The following HCCS variants were observed in gnomAD, a reference collection of about 807,000 sequenced individuals.
The protein encoded by HCCS is holocytochrome c-type synthase.
A neutral mutation model predicts 24.2 loss-of-function variants in HCCS; 2 were observed. That is an observed-to-expected ratio of 0.08 (90% CI 0.03 to 0.26). The LOEUF (loss-of-function observed/expected upper bound fraction) is 0.26. HCCS is among the 10% of genes least tolerant of loss of function. The probability of loss-of-function intolerance (pLI) is 1.00; values close to 1 mark genes in which losing one functional copy is unlikely to be tolerated. For missense variants in HCCS, 150 were observed against 213.3 expected, an observed-to-expected ratio of 0.70 and a Z score of 1.85; for synonymous variants, 73 against 76.2, an observed-to-expected ratio of 0.96 and a Z score of 0.22.
intron 4 of HCCS, among the ~76,000 whole-genome samples, chrX:11,117,674 G>T (rs1471600974): frequency 1.8e-5 from 2 of 111,404 alleles, no homozygotes; most frequent in East Asian, 5.6e-4. Flanking sequence ...TTATTGTAGG[G>T]AATTGACTTA....
Position 11,120,936 on chromosome X carries a change from G to A in HCCS, c.551G>A (p.Arg184Gln), listed in dbSNP as rs2045486804. Residue 184 changes from arginine to glutamine, a missense_variant, in exon 6 of 7, where the codon CGG (arginine) becomes CAG (glutamine). Arg to Gln is a conservative substitution (Grantham distance 43). Coordinates refer to ENST00000380762, the MANE Select transcript of HCCS (RefSeq NM_005333.5). ...TGTCCTTGTGGTCCATCATTGATCC[G>A]GTTTGGAGGGAAAGCAAAAGAGTAT... ...AECPCGPSLIRFGGKAKEYSP... is the reference protein window; with the variant it reads ...AECPCGPSLIQFGGKAKEYSP... The A allele has an allele frequency of 1.7e-6, 2 of 1,209,087 alleles. No individual in the cohort carries two copies. Among genetic ancestry groups the A allele is most frequent in the Non-Finnish European group, 2.2e-6 (2 of 893,056 alleles).
chrX:11,115,903 G>A (rs183305925), intron 3 of HCCS, among the ~76,000 whole-genome samples: 3 of 111,810 alleles, frequency 2.7e-5, no homozygotes, highest in African/African-American at 9.8e-5. Context: ...TGAAAGCAGC[G>A]ACAGGCAGCA....
At chrX:11,116,775 T>G (rs2045451355) in intron 3 of HCCS, among the ~76,000 whole-genome samples, 1 of 112,501 alleles carries the variant, frequency 8.9e-6, no homozygotes, top group African/African-American at 3.2e-5. Flanking sequence ...CTCGCAGCGT[T>G]GAGATGCAAA....
At chrX:11,114,136 A>G (rs1489062393) in intron 2 of HCCS, among the ~76,000 whole-genome samples, 1 of 112,378 alleles carries the variant, frequency 8.9e-6, no homozygotes, top group Non-Finnish European at 1.9e-5. Flanking sequence ...CTTCCCTCGT[A>G]ATGGGCATCT....
At chrX:11,118,477 A>C (rs2045465821) in intron 4 of HCCS, 24 bp from the exon 5 acceptor site, 1 of 1,187,395 alleles carries the variant, frequency 8.4e-7, no homozygotes, top group Non-Finnish European at 1.1e-6. Flanking sequence ...CAGTTGTCAA[A>C]TTTTACCAAA....
At chrX:11,113,695 T>C (rs1025204251) in intron 2 of HCCS, among the ~76,000 whole-genome samples, 5 of 112,333 alleles carry the variant, frequency 4.5e-5, no homozygotes, top group African/African-American at 1.6e-4. Context: ...TGTGGGTGTC[T>C]ATAGGAGATC....
chrX:11,121,379 T>C (rs1033840634), intron 6 of HCCS, among the ~76,000 whole-genome samples: 1 of 112,423 alleles, frequency 8.9e-6, no homozygotes, highest in Non-Finnish European at 1.9e-5. Context: ...CTCTTCCCCA[T>C]TGGCCTTATT....
Position 11,117,330 on chromosome X carries a change from G to C in HCCS, c.316G>C (p.Glu106Gln), listed in dbSNP as rs144634482. The C allele has an allele frequency of 8.3e-7, 1 of 1,207,661 alleles. No homozygotes were observed. Among genetic ancestry groups the C allele is most frequent in the Non-Finnish European group, 1.1e-6 (1 of 891,586 alleles). The change falls in exon 4 of 7, where the codon GAG (glutamate) becomes CAG (glutamine). Residue 106 changes from glutamate (E) to glutamine (Q), a missense_variant. By Grantham distance (29) the Glu-to-Gln change is conservative. Coordinates refer to ENST00000380762, the MANE Select transcript of HCCS (RefSeq NM_005333.5). The stretch of plus-strand genomic sequence containing the variant: ...ATTTGCATTGTCTACTGTCAGAGAA[G>C]AGTCATCCATTCCGAGAGCAGATTC... ...QPFALSTVRE[E>Q]SSIPRADSEK...
At chrX:11,113,372 A>G (rs2045426519) in intron 2 of HCCS, among the ~76,000 whole-genome samples, 1 of 112,492 alleles carries the variant, frequency 8.9e-6, no homozygotes, top group African/African-American at 3.2e-5. Context: ...CATCTTCATA[A>G]GCTATGTGGT....
At chrX:11,118,155 A>G (rs1240751978) in intron 4 of HCCS, among the ~76,000 whole-genome samples, 1 of 112,449 alleles carries the variant, frequency 8.9e-6, no homozygotes, top group Admixed American at 9.4e-5. Context: ...AATGTTTAGA[A>G]AAAGTTAGGG....
At chrX:11,112,271 G>A in intron 2 of HCCS, 111 bp downstream of exon 2, 1 of 571,800 alleles carries the variant, frequency 1.7e-6, no homozygotes, top group Non-Finnish European at 3.0e-6. Context: ...GATTGCTTGA[G>A]CTCAGGACTT....
intron 5 of HCCS, chrX:11,119,950 CATGCT>C (rs2045478440): frequency 3.2e-6 from 1 of 311,966 alleles, no homozygotes; most frequent in Admixed American, 3.6e-5. Flanking sequence ...TTTAAAAACT[CATGCT>C]ATGATCTCCA....
Position 11,112,108 on chromosome X carries a change from T to C in HCCS, c.48T>C (p.Asn16=). ...SAPAVAVQAS[N]ASASPPSGCP... ...CTGCTGTTGCAGTTCAGGCCTCAAA[T>C]GCTTCAGCGTCCCCACCTTCAGGAT... Residue 16 remains asparagine, a synonymous_variant, in exon 2 of 7, where the codon AAT becomes AAC. Coordinates refer to ENST00000380762, the MANE Select transcript of HCCS (RefSeq NM_005333.5). 1 of 1,210,101 alleles carries C rather than the reference T, an allele frequency of 8.3e-7. No individual in the cohort carries two copies. Among genetic ancestry groups the C allele is most frequent in the African/African-American group, 1.7e-5 (1 of 57,871 alleles).
In HCCS at chrX:11,112,049, C is replaced by G; in HGVS notation, c.-12C>G. 1 of 1,176,348 alleles carries G rather than the reference C, an allele frequency of 8.5e-7. No homozygotes were observed. Among genetic ancestry groups the G allele is most frequent in the Non-Finnish European group, 1.2e-6 (1 of 862,961 alleles). On this transcript the variant is annotated 5_prime_UTR_variant, in exon 2 of 7. Coordinates refer to ENST00000380762, the MANE Select transcript of HCCS (RefSeq NM_005333.5). Reference sequence around the variant, plus strand: ...AATTTAAAATTGTTTACAGTCAACACTGTTTCCAGCCATGGGTTTGTCTCC... The same window carrying G: ...AATTTAAAATTGTTTACAGTCAACAGTGTTTCCAGCCATGGGTTTGTCTCC...
At position 11,114,527 on chromosome X, in the gene HCCS, C is replaced by T. The variant is rs144019232; in HGVS notation, c.101-308C>T. Among the ~76,000 whole-genome samples the T allele has an allele frequency of 9.2e-3, 1,034 of 112,470 alleles. 10 individuals carry two copies. Among genetic ancestry groups the T allele is most frequent in the African/African-American group, 0.032 (984 of 30,909 alleles). ...TGCTCATCCAGCCAGGTTACTCAAA[C>T]CATGGCACAGATAACACATGCTCTT... is the stretch of plus-strand genomic sequence containing the variant. On this transcript the variant is annotated intron_variant, in intron 2 of 6. Transcript: ENST00000380762.
At chrX:11,120,089 T>C (rs1205985264) in intron 5 of HCCS, 1 of 277,397 alleles carries the variant, frequency 3.6e-6, no homozygotes, top group Non-Finnish European at 6.7e-6. Flanking sequence ...CAAATAGAAG[T>C]CCTTTATACT....
chrX:11,121,035 C>G (rs1159270866), intron 6 of HCCS, 42 bp downstream of exon 6: 7 of 1,042,679 alleles, frequency 6.7e-6, no homozygotes, highest in African/African-American at 1.9e-5. Context: ...ATCCTCAGGT[C>G]AGGGTCAACT....
chrX:11,120,922 T>C lies in HCCS; in HGVS notation c.537T>C (p.Gly179=), dbSNP rs184479562. 1 of 1,204,572 alleles carries C rather than the reference T, an allele frequency of 8.3e-7. No homozygotes were observed. Among genetic ancestry groups the C allele is most frequent in the Non-Finnish European group, 1.1e-6 (1 of 889,902 alleles). The change falls in exon 6 of 7, where the codon GGT becomes GGC. Residue 179 remains glycine, a synonymous_variant. Coordinates refer to ENST00000380762, the MANE Select transcript of HCCS (RefSeq NM_005333.5). The part of the protein sequence containing the change: ...EALHAAECPC[G]PSLIRFGGKA... ...GGAATTCTAGAGAGTGTCCTTGTGG[T>C]CCATCATTGATCCGGTTTGGAGGGA...
chrX:11,112,987 A>G (rs1048989868), intron 2 of HCCS, among the ~76,000 whole-genome samples: 1 of 113,033 alleles, frequency 8.8e-6, no homozygotes, highest in Non-Finnish European at 1.9e-5. Context: ...CTGTCTTAAT[A>G]AATAACTTTT....
Sources: gnomAD v4.1 joint callset for allele counts (sites outside exome capture counted in the v4.1 genomes callset) on GRCh38, gnomAD v4.1.1 for gene constraint, MANE v1.5 for transcripts, NCBI Gene and HGNC (gene_info 2026-07-23, HGNC 2026-07-21) for gene names.